Variants in RAMP3 observed in about 807,000 individuals in gnomAD.
RAMP3 encodes the protein receptor activity-modifying protein 3.
A neutral mutation model predicts 13.5 loss-of-function variants in RAMP3; 14 were observed. The observed-to-expected ratio is 1.04, with a 90% CI of 0.69 to 1.63. RAMP3 has a LOEUF of 1.63. RAMP3 is among the 40% of genes most tolerant of loss of function. RAMP3 has a pLI of 0.00. For synonymous variants in RAMP3, 106 were observed against 88.3 expected (o/e 1.20, Z -1.12); for missense variants, 200 against 204.8 (o/e 0.98, Z 0.14).
intron 1 of RAMP3, among the ~76,000 whole-genome samples, chr7:45,159,922 G>C (rs892028081): frequency 1.3e-5 from 2 of 152,180 alleles, no homozygotes; most frequent in Non-Finnish European, 2.9e-5. Flanking sequence ...TGGTACCATC[G>C]TTTTTATCAT....
intron 1 of RAMP3, 59 bp downstream of exon 1, chr7:45,157,945 G>C (rs1785791394): frequency 7.7e-7 from 1 of 1,298,014 alleles, no homozygotes; most frequent in African/African-American, 1.6e-5. Flanking sequence ...CACCGGACCC[G>C]GGTGGACCCG....
At chr7:45,183,045 T>C in intron 2 of RAMP3, 112 bp from the exon 3 acceptor site, 1 of 1,442,554 alleles carries the variant, frequency 6.9e-7, no homozygotes, top group Non-Finnish European at 9.4e-7. Flanking sequence ...TGTGAATAGG[T>C]GGCCAAATGG....
At chr7:45,171,187 A>G (rs1171991570) in intron 1 of RAMP3, among the ~76,000 whole-genome samples, 1 of 145,056 alleles carries the variant, frequency 6.9e-6, no homozygotes, top group Non-Finnish European at 1.5e-5. Flanking sequence ...ACAGAGTTTC[A>G]CTCTGTTGCC....
intron 1 of RAMP3, among the ~76,000 whole-genome samples, chr7:45,167,957 G>T (rs947461668): frequency 1.3e-5 from 2 of 152,182 alleles, no homozygotes; most frequent in Non-Finnish European, 2.9e-5. Context: ...TTTAGGATCA[G>T]CTCATCAATT....
chr7:45,165,498 T>G (rs759663580), intron 1 of RAMP3, among the ~76,000 whole-genome samples: 5 of 152,236 alleles, frequency 3.3e-5, no homozygotes, highest in Non-Finnish European at 7.3e-5. Flanking sequence ...TTTGTATGTT[T>G]GAAAAAGTTT....
At chr7:45,177,570 A>G in intron 2 of RAMP3, 129 bp downstream of exon 2, 1 of 1,379,940 alleles carries the variant, frequency 7.2e-7, no homozygotes, top group Non-Finnish European at 9.9e-7. Context: ...AACCCACCGT[A>G]GGCCACCCAC....
intron 1 of RAMP3, chr7:45,163,660 A>G (rs1347759464): frequency 4.1e-6 from 4 of 985,366 alleles, no homozygotes; most frequent in African/African-American, 1.7e-5. Context: ...TTATTAACCA[A>G]TGGAAACACA....
intron 2 of RAMP3, among the ~76,000 whole-genome samples, chr7:45,179,320 G>A (rs1786257674): frequency 6.6e-6 from 1 of 151,502 alleles, no homozygotes; most frequent in Admixed American, 6.6e-5. Context: ...CTTCTGCAGG[G>A]TCCCAGTGTC....
At chr7:45,177,269 G>T in intron 1 of RAMP3, 40 bp from the exon 2 acceptor site, 9 of 1,612,722 alleles carry the variant, frequency 5.6e-6, no homozygotes, top group Non-Finnish European at 7.6e-6. Context: ...CATCCCCAGT[G>T]TGAACTGTAG....
intron 2 of RAMP3, among the ~76,000 whole-genome samples, chr7:45,182,105 C>T (rs1196533082): frequency 6.6e-6 from 1 of 152,210 alleles, no homozygotes; most frequent in Non-Finnish European, 1.5e-5. Context: ...ATGCAGGAGG[C>T]AGCTCTTTCC....
chr7:45,164,323 A>G (rs1785918173), intron 1 of RAMP3, among the ~76,000 whole-genome samples: 1 of 152,142 alleles, frequency 6.6e-6, no homozygotes, highest in Non-Finnish European at 1.5e-5. Flanking sequence ...CCAAGGCGAG[A>G]GGATCACTGG....
At chr7:45,174,271 G>C (rs1786136800) in intron 1 of RAMP3, among the ~76,000 whole-genome samples, 2 of 152,158 alleles carry the variant, frequency 1.3e-5, no homozygotes, top group African/African-American at 4.8e-5. Context: ...CTTGGGGTCT[G>C]CTGTGATGTC....
At chr7:45,178,478 C>T (rs1786237995) in intron 2 of RAMP3, among the ~76,000 whole-genome samples, 2 of 152,248 alleles carry the variant, frequency 1.3e-5, no homozygotes, top group African/African-American at 2.4e-5. Context: ...GGCCCTGCCC[C>T]AGGAAGCCTC....
chr7:45,162,154 G>A (rs368852579), intron 1 of RAMP3, among the ~76,000 whole-genome samples: 3 of 152,232 alleles, frequency 2.0e-5, no homozygotes, highest in African/African-American at 7.2e-5. Context: ...GTGCAGTTGA[G>A]CAGGGTGGCA....
intron 1 of RAMP3, among the ~76,000 whole-genome samples, chr7:45,171,168 T>C (rs1332440661): frequency 1.3e-5 from 2 of 152,044 alleles, no homozygotes; most frequent in African/African-American, 4.8e-5. Flanking sequence ...TTCTTTTTTT[T>C]TTTTCGAGAC....
chr7:45,179,435 G>A (rs1031805237), intron 2 of RAMP3, among the ~76,000 whole-genome samples: 4 of 152,160 alleles, frequency 2.6e-5, no homozygotes, highest in African/African-American at 4.8e-5. Flanking sequence ...CCAGAGAGAT[G>A]GAACCAAGCA....
Position 45,183,234 on chromosome 7 carries a change from A to G in RAMP3, c.269A>G (p.Gln90Arg). Residue 90 changes from glutamine to arginine, a missense_variant, in exon 3 of 3, where the codon CAG becomes CGG. Physicochemically the swap from Gln to Arg is conservative, Grantham distance 43. Coordinates refer to ENST00000242249, the MANE Select transcript of RAMP3 (RefSeq NM_005856.3). The stretch of plus-strand genomic sequence containing the variant: ...TGCTACTGGCCCAACCCCCTGGCCC[A>G]GGGCTTCATCACCGGCATCCACAGG... ...VGCYWPNPLA[Q>R]GFITGIHRQF... is the part of the protein sequence containing the mutation. The G allele has an allele frequency of 6.2e-7, 1 of 1,613,730 alleles. No individual in the cohort carries two copies. The highest frequency in any genetic ancestry group is 8.5e-7 in the Non-Finnish European group (1 of 1,180,002).
intron 1 of RAMP3, among the ~76,000 whole-genome samples, chr7:45,160,036 G>T (rs1423410294): frequency 1.3e-5 from 2 of 152,182 alleles, no homozygotes; most frequent in Non-Finnish European, 2.9e-5. Context: ...GTGAATTAAA[G>T]ACTTGGAGGT....
intron 1 of RAMP3, among the ~76,000 whole-genome samples, chr7:45,164,751 T>C (rs529325268): frequency 1.3e-5 from 2 of 152,236 alleles, no homozygotes; most frequent in Admixed American, 6.5e-5. Flanking sequence ...ACATACTTTG[T>C]CTGATATTAA....
Sources: gnomAD v4.1 joint callset for allele counts (sites outside exome capture counted in the v4.1 genomes callset) on GRCh38, gnomAD v4.1.1 for gene constraint, MANE v1.5 for transcripts, NCBI Gene and HGNC (gene_info 2026-07-23, HGNC 2026-07-21) for gene names.